Variants in INO80 observed in about 807,000 individuals in gnomAD.
INO80 encodes the protein INO80 complex ATPase subunit, also known as chromatin-remodeling ATPase INO80.
INO80 carries 20 observed loss-of-function variants against 203.4 expected under a neutral mutation model. That is an observed-to-expected ratio of 0.10 (90% confidence interval 0.07 to 0.14). INO80 has a LOEUF of 0.14. Among genes scored for constraint, INO80 ranks in the 10% least tolerant of loss-of-function variants. The pLI is 1.00. For synonymous variants in INO80, 726 were observed against 685.2 expected (o/e 1.06, Z -0.93); for missense variants, 1,419 against 1,914.4 (o/e 0.74, Z 4.83).
At chr15:41,033,789 C>T (rs1301942672) in intron 24 of INO80, among the ~76,000 whole-genome samples, 4 of 152,088 alleles carry the variant, frequency 2.6e-5, no homozygotes, top group South Asian at 2.1e-4. Context: ...CAGTGGCTCA[C>T]GCCTGTAATC....
At chr15:41,078,242 TA>T (rs1391907700) in intron 9 of INO80, among the ~76,000 whole-genome samples, 1 of 152,114 alleles carries the variant, frequency 6.6e-6, no homozygotes, top group Non-Finnish European at 1.5e-5. Context: ...ACCATATGAT[TA>T]AATGAACGAA....
intron 28 of INO80, among the ~76,000 whole-genome samples, chr15:41,001,258 G>C (rs1330373759): frequency 6.6e-6 from 1 of 152,136 alleles, no homozygotes; most frequent in African/African-American, 2.4e-5. Flanking sequence ...TCTTAGAACA[G>C]ACCTTAAAGA....
chr15:41,099,171 G>C (rs897632213), intron 1 of INO80, among the ~76,000 whole-genome samples: 16 of 137,904 alleles, frequency 1.2e-4, no homozygotes, highest in Admixed American at 4.0e-4. Context: ...CTTAAGCCCA[G>C]GAAGTCAAGG....
At chr15:41,016,245 A>ACT (rs1388090061) in intron 26 of INO80, 30 bp from the exon 27 acceptor site, 1 of 1,607,892 alleles carries the variant, frequency 6.2e-7, no homozygotes, top group Non-Finnish European at 8.5e-7. Context: ...GTGAGGGGGA[A>ACT]CTGTATTTAA....
intron 6 of INO80, among the ~76,000 whole-genome samples, chr15:41,086,416 C>G (rs566451333): frequency 6.6e-6 from 1 of 152,054 alleles, no homozygotes; most frequent in African/African-American, 2.4e-5. Flanking sequence ...TTTGAGAGGC[C>G]AAGGCAGGCG....
At chr15:41,110,565 A>T (rs928977186) in intron 1 of INO80, among the ~76,000 whole-genome samples, 2 of 152,056 alleles carry the variant, frequency 1.3e-5, no homozygotes, top group East Asian at 3.9e-4. Flanking sequence ...CGGCCTCCAG[A>T]GTAGCTGGGA....
chr15:41,100,168 A>G lies in INO80; in HGVS notation c.-43-3815T>C, dbSNP rs138955443. ...CGGCTCACTGCAAGCTCTGCCTCCC[A>G]GGTTCACGCCATTCTCCTGCCTCAG... On this transcript the variant is annotated intron_variant, in intron 1 of 35. Transcript: ENST00000648947. 9.7e-3 allele frequency among the ~76,000 whole-genome samples: 1,478 copies of G among 151,972 alleles called. 19 individuals are homozygous for G. The highest frequency in any genetic ancestry group is 0.026 in the African/African-American group (1,060 of 41,420).
intron 24 of INO80, among the ~76,000 whole-genome samples, chr15:41,031,504 A>G: frequency 1.2e-5 from 1 of 84,692 alleles, no homozygotes; most frequent in African/African-American, 4.7e-5. Context: ...GAGGAAGGAG[A>G]AGGAAGGAAG....
At chr15:41,007,633 T>C (rs1042299882) in intron 27 of INO80, among the ~76,000 whole-genome samples, 1 of 151,938 alleles carries the variant, frequency 6.6e-6, no homozygotes, top group Non-Finnish European at 1.5e-5. Flanking sequence ...ACCCTGATTA[T>C]AGAGAGCCTG....
At chr15:41,049,614 G>A (rs2044830404) in intron 20 of INO80, among the ~76,000 whole-genome samples, 194 bp from the exon 21 acceptor site, 1 of 152,186 alleles carries the variant, frequency 6.6e-6, no homozygotes, top group Admixed American at 6.5e-5. Context: ...ACAACTTCAA[G>A]GCCAGGCGCA....
intron 1 of INO80, among the ~76,000 whole-genome samples, chr15:41,114,484 G>A (rs1432174103): frequency 3.3e-5 from 5 of 151,970 alleles, no homozygotes; most frequent in Admixed American, 6.6e-5. Context: ...CAAGGCAGGC[G>A]GATCACTTGA....
Position 41,079,953 on chromosome 15 carries a change from T to G in INO80, c.928-49A>C, listed in dbSNP as rs1192366556. The G allele has an allele frequency of 2.7e-6, 4 of 1,505,818 alleles. No individual in the cohort carries two copies. The Admixed American group carries it at 6.7e-5, about 25-fold the overall frequency. 93.3% of individuals were successfully genotyped at this position (1,505,818 alleles called of 1,614,324 possible). On this transcript the variant is annotated intron_variant, in intron 8 of 35. Coordinates refer to ENST00000648947, the MANE Select transcript of INO80 (RefSeq NM_017553.3). ...GCGGAAAGGACCCCATACCAGAAGC[T>G]GGTTCTTCCTGGACTCTAAACCACA...
At chr15:41,022,970 G>A (rs7171437) in intron 25 of INO80, among the ~76,000 whole-genome samples, 47,408 of 151,596 alleles carry the variant, frequency 0.31, 7,464 homozygotes, top group Non-Finnish European at 0.34. Flanking sequence ...GCATGGTGGC[G>A]TTCACCTCTA....
chr15:40,987,171 C>A lies in INO80; in HGVS notation c.3752G>T (p.Gly1251Val). ...CAAGGTATCTGGTTTGAAGTTCCCA[C>A]CTGAAATCACCATCCGCTGAATCTA... ...KSEIQRMVIS[G>V]GNFKPDTLKP... The change falls in exon 31 of 36, where the codon GGT becomes GTT. Residue 1251 changes from glycine (G) to valine (V), a missense_variant. Physicochemically the swap from Gly to Val is moderately radical, Grantham distance 109 (BLOSUM62 -3). Around this residue, in one of 9 missense-constraint regions of INO80, gnomAD observed 65 missense variants for 186.7 expected, o/e 0.35. Transcript: ENST00000648947. 1 of 1,610,790 alleles carries A rather than the reference C, an allele frequency of 6.2e-7. No individual in the cohort carries two copies. Among genetic ancestry groups the A allele is most frequent in the Non-Finnish European group, 8.5e-7 (1 of 1,177,410 alleles).
At chr15:40,983,341 T>G (rs1215098240) in intron 34 of INO80, 5 of 476,802 alleles carry the variant, frequency 1.0e-5, no homozygotes, top group African/African-American at 2.0e-5. Flanking sequence ...GTTTCCTCTT[T>G]AAATTTGTCC....
intron 24 of INO80, among the ~76,000 whole-genome samples, chr15:41,030,592 CCA>C (rs1489214848): frequency 6.6e-6 from 1 of 152,094 alleles, no homozygotes; most frequent in Non-Finnish European, 1.5e-5. Context: ...GAACTCCTGG[CCA>C]CAAGTGATCC....
chr15:41,047,429 A>G lies in INO80; in HGVS notation c.2714T>C (p.Met905Thr). The G allele has an allele frequency of 6.2e-7, 1 of 1,613,626 alleles. No homozygotes were observed. Residue 905 changes from methionine (M) to threonine (T), a missense_variant, in exon 23 of 36, where the codon ATG becomes ACG. This residue lies in a region of INO80 where 302 missense variants were observed against 345.4 expected (regional missense o/e 0.87). Coordinates refer to ENST00000648947, the MANE Select transcript of INO80 (RefSeq NM_017553.3). ...DISPAEMANL[M>T]LQGLLARWLA... is the part of the protein sequence containing the mutation. ...TCACCTGGCCAAAAGTCCCTGAAGCATAAGGTTTGCCATTTCTGCTGGAGA... is the reference window on the plus strand; with the variant it reads ...TCACCTGGCCAAAAGTCCCTGAAGCGTAAGGTTTGCCATTTCTGCTGGAGA...
rs765696552 is a variant in INO80 at position 40,980,230 on chromosome 15, C to T, written c.4664G>A (p.Gly1555Glu). The part of the protein sequence containing the change: ...KQGKGTNPSG[G>E]R ...GTCGGAGGGCCCAGATGGTTACCGT[C>T]CTCCAGAGGGGTTGGTGCCTTTGCC... Residue 1555 changes from glycine (G) to glutamate (E), a missense_variant, in exon 36 of 36, where the codon GGA (glycine) becomes GAA (glutamate). Coordinates refer to ENST00000648947, the MANE Select transcript of INO80 (RefSeq NM_017553.3). The T allele has an allele frequency of 9.9e-6, 16 of 1,612,510 alleles. No individual in the cohort carries two copies. Among genetic ancestry groups the T allele is most frequent in the Non-Finnish European group, 1.4e-5 (16 of 1,179,970 alleles).
intron 8 of INO80, 38 bp downstream of exon 8, chr15:41,080,982 C>T: frequency 7.2e-7 from 1 of 1,390,682 alleles, no homozygotes; most frequent in Non-Finnish European, 1.0e-6. Flanking sequence ...TATATTCCAG[C>T]AAAACATGAA....
Sources: gnomAD v4.1 joint callset for allele counts (sites outside exome capture counted in the v4.1 genomes callset) on GRCh38, gnomAD v4.1.1 for gene constraint, gnomAD v4.1.1 regional missense constraint, MANE v1.5 for transcripts, NCBI Gene and HGNC (gene_info 2026-07-23, HGNC 2026-07-21) for gene names.